ATG10: variants seen among roughly 807,000 people sequenced by gnomAD.
ATG10 encodes ubiquitin-like-conjugating enzyme ATG10.
ATG10 carries 30 observed loss-of-function variants against 32.1 expected under a neutral mutation model. The ratio of observed to expected loss-of-function variants is 0.94; its 90% CI spans 0.70 to 1.27. ATG10 has a LOEUF of 1.27. Ranked by LOEUF, ATG10 falls within the 50% of genes most tolerant of loss-of-function variation. The pLI is 0.00. For missense variants in ATG10, 233 were observed against 262.3 expected (o/e 0.89, Z 0.77); for synonymous variants, 87 against 91.5 (o/e 0.95, Z 0.28).
chr5:82,072,888 A>G (rs1370784550), intron 3 of ATG10, among the ~76,000 whole-genome samples: 2 of 152,140 alleles, frequency 1.3e-5, no homozygotes, highest in African/African-American at 2.4e-5. Context: ...TTAGTGATGT[A>G]AAAAATAAAC....
intron 3 of ATG10, among the ~76,000 whole-genome samples, chr5:82,160,027 C>T (rs1260265166): frequency 6.6e-6 from 1 of 152,096 alleles, no homozygotes; most frequent in East Asian, 1.9e-4. Context: ...CAGATTTCCC[C>T]AGTTTTACTT....
At chr5:82,095,577 T>A (rs1403123338) in intron 3 of ATG10, among the ~76,000 whole-genome samples, 2 of 152,178 alleles carry the variant, frequency 1.3e-5, no homozygotes, top group South Asian at 2.1e-4. Context: ...TAAAATCTGA[T>A]CTTCAATTAA....
At chr5:82,162,397 T>C (rs941396649) in intron 3 of ATG10, among the ~76,000 whole-genome samples, 1 of 152,168 alleles carries the variant, frequency 6.6e-6, no homozygotes, top group African/African-American at 2.4e-5. Flanking sequence ...CAGTATTTAT[T>C]GGATATAGGA....
intron 5 of ATG10, among the ~76,000 whole-genome samples, chr5:82,206,945 A>C (rs1386653281): frequency 6.6e-6 from 1 of 152,204 alleles, no homozygotes; most frequent in Non-Finnish European, 1.5e-5. Context: ...GTTTGTGAGA[A>C]TCATCCATGT....
intron 2 of ATG10, among the ~76,000 whole-genome samples, chr5:82,006,801 G>C (rs1189942706): frequency 1.3e-5 from 2 of 152,072 alleles, no homozygotes; most frequent in African/African-American, 4.8e-5. Context: ...CTATCTTTAT[G>C]AATTTGATTA....
chr5:82,033,026 T>C (rs922717749), intron 2 of ATG10, among the ~76,000 whole-genome samples: 4 of 152,124 alleles, frequency 2.6e-5, no homozygotes, highest in Non-Finnish European at 4.4e-5. Context: ...GAATGATCAT[T>C]CTTCAAGTAG....
At chr5:82,159,685 T>A (rs1310373884) in intron 3 of ATG10, among the ~76,000 whole-genome samples, 1 of 152,096 alleles carries the variant, frequency 6.6e-6, no homozygotes, top group Non-Finnish European at 1.5e-5. Flanking sequence ...TATACTTCCA[T>A]CCACTTACCC....
intron 3 of ATG10, among the ~76,000 whole-genome samples, chr5:82,068,519 C>T (rs1334950285): frequency 6.6e-6 from 1 of 151,444 alleles, no homozygotes; most frequent in Non-Finnish European, 1.5e-5. Context: ...GCACATTCTG[C>T]ATTCTGCACA....
intron 3 of ATG10, among the ~76,000 whole-genome samples, chr5:82,095,473 A>G (rs940595044): frequency 6.6e-6 from 1 of 152,194 alleles, no homozygotes; most frequent in African/African-American, 2.4e-5. Context: ...GGATTATGGG[A>G]TGAGTTTATT....
intron 2 of ATG10, among the ~76,000 whole-genome samples, chr5:82,026,984 A>G (rs975365514): frequency 2.7e-5 from 4 of 150,778 alleles, no homozygotes; most frequent in Non-Finnish European, 5.9e-5. Flanking sequence ...GCTTGAACCC[A>G]GGAGGCGGAG....
At chr5:82,180,009 G>C (rs1356692106) in intron 5 of ATG10, among the ~76,000 whole-genome samples, 1 of 151,998 alleles carries the variant, frequency 6.6e-6, no homozygotes, top group East Asian at 1.9e-4. Flanking sequence ...AATTAGTAAA[G>C]CCTCTTACCT....
intron 5 of ATG10, among the ~76,000 whole-genome samples, chr5:82,244,758 G>C (rs188139655): frequency 3.9e-4 from 59 of 152,278 alleles, no homozygotes; most frequent in Non-Finnish European, 7.5e-4. Flanking sequence ...CCTTGTGATA[G>C]TCATATCTAA....
intron 5 of ATG10, among the ~76,000 whole-genome samples, chr5:82,191,484 T>C (rs1182373524): frequency 2.6e-5 from 4 of 152,204 alleles, no homozygotes; most frequent in Non-Finnish European, 5.9e-5. Context: ...TTCACACATA[T>C]TCTTTCACTT....
chr5:82,211,209 C>T (rs1193929197), intron 5 of ATG10, among the ~76,000 whole-genome samples: 1 of 152,160 alleles, frequency 6.6e-6, no homozygotes, highest in Non-Finnish European at 1.5e-5. Flanking sequence ...CCAAAGGGAA[C>T]CAGTTGCAAT....
intron 2 of ATG10, among the ~76,000 whole-genome samples, chr5:82,025,306 T>C (rs1012597563): frequency 6.6e-6 from 1 of 152,242 alleles, no homozygotes; most frequent in Non-Finnish European, 1.5e-5. Flanking sequence ...GAAGGTCATA[T>C]AATTCACCTT....
intron 3 of ATG10, among the ~76,000 whole-genome samples, chr5:82,106,327 A>G (rs1423498036): frequency 6.6e-6 from 1 of 152,150 alleles, no homozygotes; most frequent in African/African-American, 2.4e-5. Context: ...GGACCTTTCT[A>G]GTTCACTTGT....
intron 2 of ATG10, among the ~76,000 whole-genome samples, chr5:82,034,858 C>T (rs1485243403): frequency 2.0e-5 from 3 of 152,174 alleles, no homozygotes; most frequent in African/African-American, 7.2e-5. Context: ...ATAGCATCTT[C>T]TCAACACTAT....
chr5:81,999,273 T>C (rs756026724), intron 2 of ATG10, among the ~76,000 whole-genome samples: 3 of 152,040 alleles, frequency 2.0e-5, no homozygotes, highest in Non-Finnish European at 2.9e-5. Flanking sequence ...ATTAACCTGC[T>C]CCTGAATGAC....
In ATG10 at chr5:82,037,239, T is replaced by TC. The variant is rs1561266875; in HGVS notation, c.109-21256_109-21255insC. Among the ~76,000 whole-genome samples the TC allele has an allele frequency of 1.1e-4, 5 of 43,816 alleles. No individual in the cohort carries two copies. The East Asian group carries it at 3.5e-3, about 30-fold the overall frequency. The allele number at this position is 43,816 out of a possible 152,430, so 28.7% of individuals were successfully genotyped here. A position where few individuals can be genotyped will look rare whatever the true frequency, so the allele number is the denominator to read the frequency against. On this transcript the variant is annotated intron_variant, in intron 2 of 7. Transcript: ENST00000282185. The stretch of plus-strand genomic sequence containing the variant: ...TTGTAATAAGATCTCATTTACTTTT[T>TC]TTTTTTTTTTTTTTTTTTTTTTTTT...
Sources: gnomAD v4.1 joint callset for allele counts (sites outside exome capture counted in the v4.1 genomes callset) on GRCh38, gnomAD v4.1.1 for gene constraint, MANE v1.5 for transcripts, NCBI Gene and HGNC (gene_info 2026-07-23, HGNC 2026-07-21) for gene names.